The following GABRA3 variants were observed in gnomAD, a reference collection of about 807,000 sequenced individuals.
GABRA3 encodes the protein gamma-aminobutyric acid receptor subunit alpha-3.
Under a neutral mutation model 30.1 loss-of-function variants are expected in GABRA3, and 10 were observed. The observed-to-expected ratio is 0.33, with a 90% CI of 0.20 to 0.56. The LOEUF is 0.56. Among genes scored for constraint, GABRA3 ranks in the 20% least tolerant of loss-of-function variants. The probability of loss-of-function intolerance (pLI) is 0.89; values close to 1 mark genes in which losing one functional copy is unlikely to be tolerated. For synonymous variants in GABRA3, 151 were observed against 146.8 expected (o/e 1.03, Z -0.21); for missense variants, 233 against 392.0 (o/e 0.59, Z 3.42).
intron 2 of GABRA3, among the ~76,000 whole-genome samples, chrX:152,346,626 G>A (rs573730629): frequency 8.9e-5 from 10 of 112,019 alleles, no homozygotes; most frequent in African/African-American, 3.2e-4. Context: ...TAGATAAAGA[G>A]CTCAAACAAC....
intron 3 of GABRA3, among the ~76,000 whole-genome samples, chrX:152,298,157 C>G (rs1307677245): frequency 8.9e-6 from 1 of 112,115 alleles, no homozygotes; most frequent in African/African-American, 3.2e-5. Context: ...AGAAAAACCA[C>G]TAATATAGGA....
intron 3 of GABRA3, among the ~76,000 whole-genome samples, chrX:152,290,195 G>A (rs950636786): frequency 1.5e-4 from 17 of 111,356 alleles, no homozygotes; most frequent in Non-Finnish European, 2.8e-4. Flanking sequence ...CCTTTTTAAT[G>A]ATCGCCATTC....
At chrX:152,249,684 C>A (rs902738249) in intron 5 of GABRA3, among the ~76,000 whole-genome samples, 1 of 110,873 alleles carries the variant, frequency 9.0e-6, no homozygotes, top group South Asian at 3.8e-4. Flanking sequence ...CTCCCCACCT[C>A]GGACTGCTTT....
chrX:152,397,760 G>A (rs1929697019), intron 1 of GABRA3, among the ~76,000 whole-genome samples: 1 of 110,622 alleles, frequency 9.0e-6, no homozygotes, highest in Non-Finnish European at 1.9e-5. Flanking sequence ...TGTTTATTAT[G>A]TCTCTTCAAC....
intron 1 of GABRA3, among the ~76,000 whole-genome samples, chrX:152,365,404 G>A (rs1300653933): frequency 9.0e-6 from 1 of 111,555 alleles, no homozygotes; most frequent in African/African-American, 3.3e-5. Context: ...TTATACTGGT[G>A]ATAGAACTAG....
At chrX:152,281,325 C>A (rs1383489033) in intron 4 of GABRA3, among the ~76,000 whole-genome samples, 1 of 111,222 alleles carries the variant, frequency 9.0e-6, no homozygotes, top group South Asian at 3.8e-4. Context: ...GGTTGCATGG[C>A]CCCAGTTCAC....
chrX:152,340,562 T>A (rs1940299074), intron 3 of GABRA3, among the ~76,000 whole-genome samples: 1 of 111,776 alleles, frequency 8.9e-6, no homozygotes, highest in Non-Finnish European at 1.9e-5. Context: ...TTGAAAAAAG[T>A]GTTTATTTTG....
chrX:152,303,724 C>T (rs776079863), intron 3 of GABRA3, among the ~76,000 whole-genome samples: 97 of 110,400 alleles, frequency 8.8e-4, no homozygotes, highest in Non-Finnish European at 1.6e-3. Flanking sequence ...GAAAACCAAA[C>T]ACCACATGTT....
chrX:152,218,971 A>G (rs1937779150), intron 6 of GABRA3, among the ~76,000 whole-genome samples: 1 of 111,285 alleles, frequency 9.0e-6, no homozygotes, highest in Non-Finnish European at 1.9e-5. Flanking sequence ...GATTAATTTT[A>G]ACTGCCCATT....
intron 1 of GABRA3, among the ~76,000 whole-genome samples, chrX:152,387,653 T>A (rs1043840871): frequency 2.8e-4 from 31 of 111,847 alleles, no homozygotes; most frequent in African/African-American, 9.4e-4. Flanking sequence ...ATAATAAAAA[T>A]TTCAGATTGT....
chrX:152,368,850 C>T (rs1332182656), intron 1 of GABRA3, among the ~76,000 whole-genome samples: 1 of 108,070 alleles, frequency 9.3e-6, no homozygotes, highest in Non-Finnish European at 1.9e-5. Context: ...GGACTACAGG[C>T]ACCGGCCACC....
chrX:152,209,616 G>A (rs926835394), intron 6 of GABRA3, among the ~76,000 whole-genome samples: 3 of 112,091 alleles, frequency 2.7e-5, no homozygotes, highest in Admixed American at 9.5e-5. Context: ...CTGGGTCCCT[G>A]CAAAACTTTG....
chrX:152,392,138 A>G (rs1395851700), intron 1 of GABRA3: 1 of 352,329 alleles, frequency 2.8e-6, no homozygotes, highest in African/African-American at 2.6e-5. Context: ...GCTTCCTCAT[A>G]TGGATGTGAT....
chrX:152,325,784 G>A (rs2124469452), intron 3 of GABRA3, among the ~76,000 whole-genome samples: 1 of 111,724 alleles, frequency 9.0e-6, no homozygotes, highest in African/African-American at 3.2e-5. Context: ...AAAAATCAGA[G>A]CGCCTCTTCT....
At chrX:152,382,767 A>G (rs757549355) in intron 1 of GABRA3, among the ~76,000 whole-genome samples, 28 of 111,679 alleles carry the variant, frequency 2.5e-4, no homozygotes, top group Non-Finnish European at 4.5e-4. Context: ...ACTATTTATT[A>G]AAGAGACCAT....
intron 1 of GABRA3, among the ~76,000 whole-genome samples, chrX:152,395,926 C>G (rs1929649161): frequency 8.9e-6 from 1 of 111,827 alleles, no homozygotes. Context: ...AATTTAAAAG[C>G]TATAACATAA....
chrX:152,291,996 T>C (rs1939428477), intron 3 of GABRA3, among the ~76,000 whole-genome samples: 1 of 112,034 alleles, frequency 8.9e-6, no homozygotes, highest in Non-Finnish European at 1.9e-5. Context: ...GTTGTGTCTC[T>C]GCCAGGCTTT....
In GABRA3 at chrX:152,167,044, T is replaced by C. The variant is rs972295112; in HGVS notation, c.*1184A>G. 1 of 112,103 alleles carries C rather than the reference T, an allele frequency of 8.9e-6. No individual in the cohort carries two copies. Among genetic ancestry groups the C allele is most frequent in the African/African-American group, 3.2e-5 (1 of 30,794 alleles). The allele number at this position is 112,103 out of a possible 1,213,427, so 9.2% of individuals were successfully genotyped here. A position where few individuals can be genotyped will look rare whatever the true frequency, so the allele number is the denominator to read the frequency against. ...TATATTATAAAATTGGCAATAAAGT[T>C]AATGATCTAGTTGACTCAATATTGA... On this transcript the variant is annotated 3_prime_UTR_variant, in exon 10 of 10. Coordinates refer to ENST00000370314, the MANE Select transcript of GABRA3 (RefSeq NM_000808.4).
At chrX:152,248,835 C>A (rs1038722191) in intron 5 of GABRA3, among the ~76,000 whole-genome samples, 1 of 111,854 alleles carries the variant, frequency 8.9e-6, no homozygotes, top group African/African-American at 3.2e-5. Flanking sequence ...GTGTTCTCAT[C>A]ACAAAACGTT....
Sources: gnomAD v4.1 joint callset for allele counts (sites outside exome capture counted in the v4.1 genomes callset) on GRCh38, gnomAD v4.1.1 for gene constraint, MANE v1.5 for transcripts, NCBI Gene and HGNC (gene_info 2026-07-23, HGNC 2026-07-21) for gene names.